ZFHX3: variants seen among roughly 807,000 people sequenced by gnomAD.
ZFHX3 encodes the protein zinc finger homeobox protein 3.
A neutral mutation model predicts 279.1 loss-of-function variants in ZFHX3; 42 were observed. The ratio of observed to expected loss-of-function variants is 0.15; its 90% CI spans 0.12 to 0.19. The LOEUF is 0.19. ZFHX3 is among the 10% of genes least tolerant of loss of function. The pLI, the probability that ZFHX3 is intolerant of heterozygous loss-of-function variation, is 1.00. For synonymous variants in ZFHX3, 2,293 were observed against 1,957.8 expected (o/e 1.17, Z -4.52); for missense variants, 4,981 against 4,754.0 (o/e 1.05, Z -1.40).
intron 2 of ZFHX3, 22 bp from the exon 3 acceptor site, chr16:72,950,987 G>T: frequency 6.2e-7 from 1 of 1,600,948 alleles, no homozygotes; most frequent in Non-Finnish European, 8.5e-7. Flanking sequence ...GAGAGAAGGA[G>T]AGAGTCAGAC....
At chr16:73,825,331 AT>A (rs1386481303) in intron 1 of ZFHX3, among the ~76,000 whole-genome samples, 1 of 50,016 alleles carries the variant, frequency 2.0e-5, no homozygotes, top group East Asian at 4.0e-4. Context: ...GGTTGCGAAA[AT>A]TTTCTCCCAT....
At chr16:73,391,171 G>A (rs1397558217) in intron 3 of ZFHX3, among the ~76,000 whole-genome samples, 2 of 152,146 alleles carry the variant, frequency 1.3e-5, no homozygotes, top group Non-Finnish European at 1.5e-5. Context: ...ACTGTCCAGT[G>A]AGTCATTAAG....
intron 3 of ZFHX3, among the ~76,000 whole-genome samples, chr16:73,377,738 A>G (rs1422818874): frequency 4.6e-5 from 7 of 150,856 alleles, no homozygotes; most frequent in Non-Finnish European, 8.9e-5. Flanking sequence ...TTTTGTATTT[A>G]AATATCTTAT....
chr16:73,334,163 C>T (rs2015861822), intron 3 of ZFHX3, among the ~76,000 whole-genome samples: 1 of 152,124 alleles, frequency 6.6e-6, no homozygotes, highest in African/African-American at 2.4e-5. Context: ...TCGCCACGGC[C>T]AGAGGAGGAC....
chr16:73,296,270 C>A (rs1039811517), intron 4 of ZFHX3, among the ~76,000 whole-genome samples: 1 of 152,124 alleles, frequency 6.6e-6, no homozygotes, highest in African/African-American at 2.4e-5. Context: ...TCACTACAAG[C>A]TAAGACCTTG....
Position 73,707,354 on chromosome 16 carries a change from T to C in ZFHX3, c.-1607-27114A>G, listed in dbSNP as rs543378334. Among the ~76,000 whole-genome samples the C allele has an allele frequency of 2.0e-5, 3 of 152,116 alleles. No homozygotes were observed. The South Asian group carries it at 6.2e-4, about 32-fold the overall frequency. On this transcript the variant is annotated intron_variant, in intron 1 of 17. Transcript: ENST00000641206. ...CAAGTCTTAAACATATCAACATGGG[T>C]ATATTTTTAAAATGTAATGAGGACT... is the stretch of plus-strand genomic sequence containing the variant.
chr16:73,070,932 GCGCGCGCACA>G (rs1436562937), intron 8 of ZFHX3, among the ~76,000 whole-genome samples: 753 of 29,816 alleles, frequency 0.025, 1 homozygote, highest in Non-Finnish European at 0.037. Flanking sequence ...GCGCGCGCGC[GCGCGCGCACA>G]CACACACACA....
intron 4 of ZFHX3, among the ~76,000 whole-genome samples, chr16:73,259,527 G>C (rs2013758235): frequency 6.6e-6 from 1 of 152,092 alleles, no homozygotes. Context: ...AAATTCTCCT[G>C]GTGTAATATA....
At chr16:73,050,565 T>A (rs935569835), upstream of ZFHX3, among the ~76,000 whole-genome samples, 2 of 152,200 alleles carry the variant, frequency 1.3e-5, no homozygotes, top group African/African-American at 4.8e-5. Flanking sequence ...ATAAAAACAA[T>A]ACCTCTTCAG....
At chr16:73,764,151 A>T (rs1026120917) in intron 1 of ZFHX3, among the ~76,000 whole-genome samples, 1 of 152,192 alleles carries the variant, frequency 6.6e-6, no homozygotes, top group Non-Finnish European at 1.5e-5. Context: ...ACTAATACGC[A>T]AGCTGTGCCA....
intron 1 of ZFHX3, among the ~76,000 whole-genome samples, chr16:73,698,954 G>A (rs754183448): frequency 2.0e-5 from 3 of 152,044 alleles, no homozygotes; most frequent in Non-Finnish European, 4.4e-5. Flanking sequence ...GCGTGATCTC[G>A]GCTTACTGCA....
intron 8 of ZFHX3, 21 bp downstream of exon 8, chr16:72,800,006 G>A: frequency 6.2e-6 from 10 of 1,607,270 alleles, no homozygotes; most frequent in South Asian, 2.2e-5. Context: ...ATTTCTTGGG[G>A]TCAAGAATAA....
At chr16:73,647,787 C>T (rs776186014) in intron 2 of ZFHX3, among the ~76,000 whole-genome samples, 3 of 151,872 alleles carry the variant, frequency 2.0e-5, no homozygotes, top group Non-Finnish European at 2.9e-5. Flanking sequence ...GATGCATGTT[C>T]CCAAATAAAC....
intron 1 of ZFHX3, among the ~76,000 whole-genome samples, chr16:73,751,593 A>G (rs2053762862): frequency 6.6e-6 from 1 of 152,300 alleles, no homozygotes; most frequent in South Asian, 2.1e-4. Flanking sequence ...GCATGTATAT[A>G]TTTTTAAGTA....
At chr16:73,511,116 G>A (rs1288474347) in intron 2 of ZFHX3, among the ~76,000 whole-genome samples, 1 of 152,202 alleles carries the variant, frequency 6.6e-6, no homozygotes, top group African/African-American at 2.4e-5. Flanking sequence ...AAGTTGGCTG[G>A]CTGAGAACGG....
chr16:73,712,898 GC>G (rs1445716620), intron 1 of ZFHX3, among the ~76,000 whole-genome samples: 2 of 152,180 alleles, frequency 1.3e-5, no homozygotes, highest in African/African-American at 2.4e-5. Context: ...CAGGCCATTT[GC>G]GCTAGCTTGA....
At chr16:73,376,751 G>A (rs990031444) in intron 3 of ZFHX3, among the ~76,000 whole-genome samples, 6 of 152,144 alleles carry the variant, frequency 3.9e-5, no homozygotes, top group African/African-American at 1.2e-4. Context: ...GTCAATGGAC[G>A]ACATAGTAGA....
intron 1 of ZFHX3, among the ~76,000 whole-genome samples, chr16:73,883,762 C>G (rs11150176): frequency 0.14 from 21,771 of 151,758 alleles, 1,760 homozygotes; most frequent in East Asian, 0.33. Flanking sequence ...TATAACCCAG[C>G]CCCTGTGAGA....
chr16:73,154,393 C>G (rs1465226039), intron 5 of ZFHX3, among the ~76,000 whole-genome samples: 1 of 152,202 alleles, frequency 6.6e-6, no homozygotes, highest in African/African-American at 2.4e-5. Flanking sequence ...TTCTCCTGCA[C>G]CAGTGACTGG....
Sources: gnomAD v4.1 joint callset for allele counts (sites outside exome capture counted in the v4.1 genomes callset) on GRCh38, gnomAD v4.1.1 for gene constraint, MANE v1.5 for transcripts, NCBI Gene and HGNC (gene_info 2026-07-23, HGNC 2026-07-21) for gene names.